The following YAP1 variants were observed in gnomAD, a reference collection of about 807,000 sequenced individuals.
YAP1 encodes Yes1 associated transcriptional regulator, also known as transcriptional coactivator YAP1.
In YAP1, 5 loss-of-function variants were observed where a neutral mutation model predicts 56.9. That is an observed-to-expected ratio of 0.09 (90% CI 0.05 to 0.18). YAP1 has a LOEUF of 0.18. Ranked by LOEUF, YAP1 falls within the 10% of genes least tolerant of loss-of-function variation. The pLI, the probability that YAP1 is intolerant of heterozygous loss-of-function variation, is 1.00. For missense variants in YAP1, 539 were observed against 651.8 expected (o/e 0.83, Z 1.88); for synonymous variants, 265 against 248.1 (o/e 1.07, Z -0.64).
chr11:102,112,798 A>G, intron 1 of YAP1: 2 of 983,502 alleles, frequency 2.0e-6, no homozygotes, highest in Non-Finnish European at 2.4e-6. Context: ...CATTGTGGGT[A>G]AATGTATGTT....
At chr11:102,163,704 G>A (rs939885827) in intron 3 of YAP1, among the ~76,000 whole-genome samples, 4 of 152,212 alleles carry the variant, frequency 2.6e-5, no homozygotes, top group Admixed American at 1.3e-4. Flanking sequence ...TCTTTGGCAA[G>A]GGACTGTTGT....
At chr11:102,216,598 G>T (rs1949679951) in intron 6 of YAP1, among the ~76,000 whole-genome samples, 1 of 152,084 alleles carries the variant, frequency 6.6e-6, no homozygotes. Flanking sequence ...TATGTCCTGA[G>T]CCATAAGCCT....
chr11:102,230,631 G>T lies in YAP1; in HGVS notation c.*691G>T, dbSNP rs1297574862. On this transcript the variant is annotated 3_prime_UTR_variant, in exon 9 of 9. Transcript: ENST00000282441. ...ATAGATTTTGGTGGATAATTTTGTG[G>T]GTGTGCATTTTGTTCTGTTTTGTTG... 4.6e-5 allele frequency: 7 copies of T among 152,366 alleles called. No individual in the cohort carries two copies. Among genetic ancestry groups the T allele is most frequent in the African/African-American group, 1.7e-4 (7 of 41,348 alleles). The allele number at this position is 152,366 out of a possible 1,614,324, so 9.4% of individuals were successfully genotyped here.
chr11:102,121,395 T>C (rs1262968045), intron 2 of YAP1, among the ~76,000 whole-genome samples: 1 of 150,500 alleles, frequency 6.6e-6, no homozygotes, highest in African/African-American at 2.4e-5. Flanking sequence ...ATTGTGCCAC[T>C]GCACTTCAGC....
Position 102,177,873 on chromosome 11 carries a change from G to A in YAP1, c.689-8145G>A, listed in dbSNP as rs376939939. On this transcript the variant is annotated intron_variant, in intron 3 of 8. Transcript: ENST00000282441. ...ATTTATGTGAATATGGCAAGCCATG[G>A]GATTTCATGAAAGTTCCAAGAAAAG... is the stretch of plus-strand genomic sequence containing the variant. 1.3e-4 allele frequency among the ~76,000 whole-genome samples: 20 copies of A among 152,166 alleles called. No homozygotes were observed. In the East Asian group the frequency reaches 2.5e-3, roughly 19 times the overall value.
intron 2 of YAP1, among the ~76,000 whole-genome samples, chr11:102,159,668 T>G (rs1591270276): frequency 6.6e-6 from 1 of 152,208 alleles, no homozygotes; most frequent in Admixed American, 6.5e-5. Context: ...TTATATATGT[T>G]ACTGAATTTA....
intron 2 of YAP1, among the ~76,000 whole-genome samples, chr11:102,159,794 AATATAC>A (rs1946158698): frequency 6.6e-6 from 1 of 152,178 alleles, no homozygotes; most frequent in African/African-American, 2.4e-5. Context: ...CTGGGATTGT[AATATAC>A]ATCTGCTTGA....
At chr11:102,161,565 TG>T (rs1946294487) in intron 2 of YAP1, among the ~76,000 whole-genome samples, 1 of 152,196 alleles carries the variant, frequency 6.6e-6, no homozygotes, top group Admixed American at 6.5e-5. Context: ...GGCTTTCAAA[TG>T]CTTGCTGTAA....
chr11:102,148,672 T>C (rs1945460275), intron 2 of YAP1, among the ~76,000 whole-genome samples: 1 of 152,192 alleles, frequency 6.6e-6, no homozygotes, highest in African/African-American at 2.4e-5. Flanking sequence ...CTTACTGTTC[T>C]CTGGACAAGA....
intron 2 of YAP1, among the ~76,000 whole-genome samples, chr11:102,148,474 A>T (rs940495553): frequency 6.6e-6 from 1 of 152,192 alleles, no homozygotes; most frequent in African/African-American, 2.4e-5. Flanking sequence ...TGGTTCACTC[A>T]GTTCAATAAA....
intron 2 of YAP1, among the ~76,000 whole-genome samples, chr11:102,120,499 TG>T (rs1202226746): frequency 6.6e-6 from 1 of 152,246 alleles, no homozygotes. Flanking sequence ...GCTTTATTTG[TG>T]GTTAGTGCCA....
chr11:102,211,442 ATCT>A (rs1465926295), intron 6 of YAP1, among the ~76,000 whole-genome samples: 1 of 152,198 alleles, frequency 6.6e-6, no homozygotes, highest in Non-Finnish European at 1.5e-5. Context: ...GTTTTTAAAA[ATCT>A]TCTTTGCATA....
Position 102,223,683 on chromosome 11 carries a change from T to G in YAP1, c.1094T>G (p.Val365Gly), listed in dbSNP as rs1388043790. 1 of 1,614,034 alleles carries G rather than the reference T, an allele frequency of 6.2e-7. No individual in the cohort carries two copies. The highest frequency in any genetic ancestry group is 8.5e-7 in the Non-Finnish European group (1 of 1,180,020). ...LEQDGGTQNP[V>G]SSPGMSQELR... The stretch of plus-strand genomic sequence containing the variant: ...CAGGATGGTGGGACTCAAAATCCAG[T>G]GTCTTCTCCCGGGATGTCTCAGGAA... Residue 365 changes from valine to glycine, a missense_variant, in exon 7 of 9, where the codon GTG (valine) becomes GGG (glycine). Physicochemically the swap from Val to Gly is moderately radical, Grantham distance 109. Transcript: ENST00000282441.
intron 2 of YAP1, among the ~76,000 whole-genome samples, chr11:102,114,907 G>A (rs181949162): frequency 1.3e-5 from 2 of 152,252 alleles, no homozygotes; most frequent in African/African-American, 4.8e-5. Context: ...ACTGAAGCTT[G>A]ATGTGACTTA....
At chr11:102,195,609 G>C (rs943537603) in intron 4 of YAP1, among the ~76,000 whole-genome samples, 7 of 152,110 alleles carry the variant, frequency 4.6e-5, no homozygotes, top group African/African-American at 9.7e-5. Context: ...GTGAGTGCTC[G>C]CAAGATCTTA....
chr11:102,217,815 A>G (rs1565280598), intron 6 of YAP1, among the ~76,000 whole-genome samples: 1 of 151,844 alleles, frequency 6.6e-6, no homozygotes, highest in Non-Finnish European at 1.5e-5. Context: ...CCAGCCTCCC[A>G]AGTCCTCCCG....
Position 102,115,505 on chromosome 11 carries a change from GACTT to G in YAP1, c.572+1114_572+1117del, listed in dbSNP as rs575176133. 9.9e-4 allele frequency among the ~76,000 whole-genome samples: 150 copies of G among 152,164 alleles called. 1 individual carries two copies. Among genetic ancestry groups the G allele is most frequent in the Non-Finnish European group, 2.0e-3 (134 of 67,998 alleles). ...ATGTAAGATAGAAAGTTTTGTGACAGACTTACAGAAGAGCAAAGGAAAAGGTTTG... is the reference window on the plus strand; with the variant it reads ...ATGTAAGATAGAAAGTTTTGTGACAGACAGAAGAGCAAAGGAAAAGGTTTG... On this transcript the variant is annotated intron_variant, in intron 2 of 8. Coordinates refer to ENST00000282441, the MANE Select transcript of YAP1 (RefSeq NM_001130145.3).
intron 2 of YAP1, among the ~76,000 whole-genome samples, chr11:102,115,060 GGTT>G (rs1943196339): frequency 6.6e-6 from 1 of 152,054 alleles, no homozygotes; most frequent in South Asian, 2.1e-4. Context: ...ATGACCGTTG[GGTT>G]GTTTATTTAT....
chr11:102,160,762 T>G (rs1030753342), intron 2 of YAP1, among the ~76,000 whole-genome samples: 1 of 152,200 alleles, frequency 6.6e-6, no homozygotes, highest in Non-Finnish European at 1.5e-5. Flanking sequence ...GTTATTTGCT[T>G]GCTTTCTTAC....
Sources: gnomAD v4.1 joint callset for allele counts (sites outside exome capture counted in the v4.1 genomes callset) on GRCh38, gnomAD v4.1.1 for gene constraint, MANE v1.5 for transcripts, NCBI Gene and HGNC (gene_info 2026-07-23, HGNC 2026-07-21) for gene names.